Variants in MOCOS observed in about 807,000 individuals in gnomAD.
MOCOS encodes molybdenum cofactor sulfurase, also known as human molybdenum cofactor sulfurase.
In MOCOS, 86 loss-of-function variants were observed where a neutral mutation model predicts 83.6. That is an observed-to-expected ratio of 1.03 (90% CI 0.86 to 1.23). MOCOS has a LOEUF of 1.23. MOCOS is among the 50% of genes most tolerant of loss of function. MOCOS has a pLI of 0.00. For synonymous variants in MOCOS, 445 were observed against 434.7 expected, an observed-to-expected ratio of 1.02 and a Z score of -0.29; for missense variants, 1,120 against 1,126.9, an observed-to-expected ratio of 0.99 and a Z score of 0.09.
chr18:36,243,203 G>T (rs1313691866), intron 9 of MOCOS, among the ~76,000 whole-genome samples: 3 of 152,128 alleles, frequency 2.0e-5, no homozygotes, highest in African/African-American at 7.2e-5. Context: ...TAGGTATACA[G>T]TTATATCATT....
In MOCOS at chr18:36,215,853, G is replaced by T; in HGVS notation, c.1673G>T (p.Cys558Phe). Residue 558 changes from cysteine to phenylalanine, a missense_variant, in exon 8 of 15, where the codon TGT (cysteine) becomes TTT (phenylalanine). Transcript: ENST00000261326. ...GCTGTGCCTGTGGCCCCACCTGTGT[G>T]TGATGTCGCCAGAACCCAGCCGACT... ...VNAVPVAPPV[C>F]DVARTQPTPS... is the part of the protein sequence containing the mutation. The T allele has an allele frequency of 3.7e-6, 6 of 1,614,234 alleles. No homozygotes were observed. Among genetic ancestry groups the T allele is most frequent in the Non-Finnish European group, 5.1e-6 (6 of 1,180,048 alleles).
intron 9 of MOCOS, among the ~76,000 whole-genome samples, chr18:36,220,723 C>G (rs1029569613): frequency 6.6e-6 from 1 of 151,952 alleles, no homozygotes; most frequent in Non-Finnish European, 1.5e-5. Flanking sequence ...AAGTTCGAGA[C>G]CAGACTGGCC....
Position 36,239,390 on chromosome 18 carries a change from A to G in MOCOS, c.1961-9532A>G, listed in dbSNP as rs570685098. On this transcript the variant is annotated intron_variant, in intron 9 of 14. Transcript: ENST00000261326. ...AAAGTATTTTATTTCTCCTTCACTT[A>G]TGAAGCTTAGTTTGGCTGGATATGA... Among the ~76,000 whole-genome samples, 155 of 146,904 alleles carry G rather than the reference A, an allele frequency of 1.1e-3. No homozygotes were observed. In the South Asian group the frequency reaches 0.017, roughly 16 times the overall value.
chr18:36,261,596 T>G (rs2091663597), intron 13 of MOCOS, among the ~76,000 whole-genome samples: 1 of 152,178 alleles, frequency 6.6e-6, no homozygotes, highest in South Asian at 2.1e-4. Flanking sequence ...GTATAGGAAA[T>G]AAATTGCATG....
intron 1 of MOCOS, 71 bp downstream of exon 1, chr18:36,187,752 G>C (rs2091347218): frequency 1.4e-5 from 17 of 1,238,916 alleles, no homozygotes; most frequent in Non-Finnish European, 1.6e-5. Flanking sequence ...TTTGCTCCTA[G>C]TGAGAGCGGC....
rs1389584061 is a variant in MOCOS, at chr18:36,215,939, C to T, written c.1759C>T (p.Leu587Phe). Reference protein sequence around the residue: ...GALGPHVVTNLYLYPIKSCAA... With the variant: ...GALGPHVVTNFYLYPIKSCAA... ...CCTTGGGCCACATGTTGTCACTAAC[C>T]TTTATCTCTATCCAATCAAATCCTG... The change falls in exon 8 of 15, where the codon CTT (leucine) becomes TTT (phenylalanine). Residue 587 changes from leucine (L) to phenylalanine (F), a missense_variant. Transcript: ENST00000261326. The T allele has an allele frequency of 1.9e-6, 3 of 1,613,812 alleles. No individual in the cohort carries two copies. The highest frequency in any genetic ancestry group is 1.7e-4 in the Middle Eastern group (1 of 6,060).
At chr18:36,263,134 G>T (rs1419815539) in intron 13 of MOCOS, among the ~76,000 whole-genome samples, 1 of 152,140 alleles carries the variant, frequency 6.6e-6, no homozygotes, top group East Asian at 1.9e-4. Context: ...CTCAAAAGAT[G>T]TTTGTTGATG....
At chr18:36,229,233 T>A (rs2091529052) in intron 9 of MOCOS, among the ~76,000 whole-genome samples, 1 of 152,200 alleles carries the variant, frequency 6.6e-6, no homozygotes, top group Non-Finnish European at 1.5e-5. Context: ...TTGCATTTTT[T>A]ATAAATCAGG....
chr18:36,208,443 T>C (rs2091442397), intron 6 of MOCOS, among the ~76,000 whole-genome samples: 1 of 152,200 alleles, frequency 6.6e-6, no homozygotes, highest in Admixed American at 6.5e-5. Flanking sequence ...TGGAATGTTT[T>C]TCCATTTGTT....
chr18:36,231,397 A>G (rs1216451719), intron 9 of MOCOS, among the ~76,000 whole-genome samples: 1 of 152,208 alleles, frequency 6.6e-6, no homozygotes, highest in Non-Finnish European at 1.5e-5. Context: ...TTCTTGTTCA[A>G]GTTCAAGTAC....
At chr18:36,261,540 G>A (rs917738701) in intron 13 of MOCOS, among the ~76,000 whole-genome samples, 1 of 152,180 alleles carries the variant, frequency 6.6e-6, no homozygotes, top group Non-Finnish European at 1.5e-5. Flanking sequence ...TAGGAAAGCA[G>A]TAAACAGTCA....
At chr18:36,229,384 T>C (rs542373132) in intron 9 of MOCOS, among the ~76,000 whole-genome samples, 3 of 152,210 alleles carry the variant, frequency 2.0e-5, no homozygotes, top group Non-Finnish European at 4.4e-5. Context: ...CTGATTGTAT[T>C]ATGAGGGTTC....
chr18:36,268,713 T>G lies in MOCOS; in HGVS notation c.*28T>G. ...AAAATTTTTAGCATAAAGTTTCTCT[T>G]TTACAGTGATCTCTATTATTGTTAA... On this transcript the variant is annotated 3_prime_UTR_variant, in exon 15 of 15. Coordinates refer to ENST00000261326, the MANE Select transcript of MOCOS (RefSeq NM_017947.4). 1 of 1,554,310 alleles carries G rather than the reference T, an allele frequency of 6.4e-7. No individual in the cohort carries two copies. The highest frequency in any genetic ancestry group is 8.9e-7 in the Non-Finnish European group (1 of 1,125,880).
In MOCOS at chr18:36,210,012, T is replaced by C. The variant is rs75707173; in HGVS notation, c.1219-3354T>C. On this transcript the variant is annotated intron_variant, in intron 6 of 14. Coordinates refer to ENST00000261326, the MANE Select transcript of MOCOS (RefSeq NM_017947.4). ...CACCACTGTACCCGGCTGGATTAGCTCTTTAATGTGCTGCTGGATTCTATT... is the reference window on the plus strand; with the variant it reads ...CACCACTGTACCCGGCTGGATTAGCCCTTTAATGTGCTGCTGGATTCTATT... Among the ~76,000 whole-genome samples the C allele has an allele frequency of 6.5e-3, 985 of 152,248 alleles. 13 individuals are homozygous for C. The highest frequency in any genetic ancestry group is 0.023 in the African/African-American group (951 of 41,550).
intron 9 of MOCOS, among the ~76,000 whole-genome samples, chr18:36,236,675 A>G (rs1423444260): frequency 1.4e-5 from 2 of 137,938 alleles, no homozygotes; most frequent in African/African-American, 2.8e-5. Flanking sequence ...GAAGAAAGGC[A>G]TTGGTAGCCT....
chr18:36,220,097 C>G lies in MOCOS; in HGVS notation c.1840C>G (p.Arg614Gly), dbSNP rs376215901. 1.9e-6 allele frequency: 3 copies of G among 1,613,668 alleles called. No homozygotes were observed. Among genetic ancestry groups the G allele is most frequent in the Non-Finnish European group, 2.5e-6 (3 of 1,180,038 alleles). Residue 614 changes from arginine to glycine, a missense_variant, in exon 9 of 15, where the codon CGG becomes GGG. By Grantham distance (125) the Arg-to-Gly change is moderately radical. Coordinates refer to ENST00000261326, the MANE Select transcript of MOCOS (RefSeq NM_017947.4). Reference protein sequence around the residue: ...PVGNQGLLYDRSWMVVNHNGV... With the variant: ...PVGNQGLLYDGSWMVVNHNGV... ...AGGAAACCAAGGGCTGCTATATGACCGGAGCTGGATGGTTGTGAATCACAA... is the reference window on the plus strand; with the variant it reads ...AGGAAACCAAGGGCTGCTATATGACGGGAGCTGGATGGTTGTGAATCACAA...
At chr18:36,254,048 T>G (rs1005745143) in intron 11 of MOCOS, among the ~76,000 whole-genome samples, 1 of 152,010 alleles carries the variant, frequency 6.6e-6, no homozygotes, top group Non-Finnish European at 1.5e-5. Context: ...AGGTGGTAGG[T>G]GCAGAGGAAA....
Position 36,257,007 on chromosome 18 carries a change from A to G in MOCOS, c.2204A>G (p.Asn735Ser), listed in dbSNP as rs200995108. 5 of 1,614,146 alleles carry G rather than the reference A, an allele frequency of 3.1e-6. No homozygotes were observed. In the East Asian group the frequency reaches 1.1e-4, roughly 36 times the overall value. Residue 735 changes from asparagine to serine, a missense_variant, in exon 12 of 15, where the codon AAT becomes AGT. Physicochemically the swap from Asn to Ser is conservative, Grantham distance 46 (BLOSUM62 1). Transcript: ENST00000261326. The part of the protein sequence containing the change: ...PGTMATLSLV[N>S]EAQYLLINTS... The stretch of plus-strand genomic sequence containing the variant: ...ACAATGGCCACCCTTTCTCTGGTGA[A>G]TGAGGCACAGTATCTGCTGATCAAC...
At chr18:36,215,318 G>A (rs902547122) in intron 7 of MOCOS, among the ~76,000 whole-genome samples, 198 bp from the exon 8 acceptor site, 4 of 152,190 alleles carry the variant, frequency 2.6e-5, no homozygotes, top group Admixed American at 2.6e-4. Flanking sequence ...ATTTACAGTT[G>A]AGCAAAATGA....
Sources: gnomAD v4.1 joint callset for allele counts (sites outside exome capture counted in the v4.1 genomes callset) on GRCh38, gnomAD v4.1.1 for gene constraint, MANE v1.5 for transcripts, NCBI Gene and HGNC (gene_info 2026-07-23, HGNC 2026-07-21) for gene names.